The following KNTC1 variants were observed in gnomAD, a reference collection of about 807,000 sequenced individuals.
The protein encoded by KNTC1 is kinetochore associated 1, also known as kinetochore-associated protein 1.
KNTC1 carries 253 observed loss-of-function variants against 314.4 expected under a neutral mutation model. That is an observed-to-expected ratio of 0.80 (90% CI 0.73 to 0.89). KNTC1 has a LOEUF of 0.89. Ranked by LOEUF, KNTC1 falls within the 40% of genes least tolerant of loss-of-function variation. The pLI, the probability that KNTC1 is intolerant of heterozygous loss-of-function variation, is 0.00. For synonymous variants in KNTC1, 901 were observed against 901.4 expected (o/e 1.00, Z 0.01); for missense variants, 2,475 against 2,572.9 (o/e 0.96, Z 0.82).
chr12:122,605,458 C>A, intron 51 of KNTC1, 43 bp downstream of exon 51: 2 of 912,282 alleles, frequency 2.2e-6, no homozygotes, highest in Non-Finnish European at 3.5e-6. Context: ...TGAGTATGCA[C>A]TGATGGCTTC....
chr12:122,590,432 A>G (rs1254167814), intron 40 of KNTC1, among the ~76,000 whole-genome samples, 175 bp from the exon 41 acceptor site: 2 of 152,106 alleles, frequency 1.3e-5, no homozygotes, highest in African/African-American at 2.4e-5. Context: ...CTATAATTCA[A>G]TTTAGTGGTA....
chr12:122,548,860 C>T (rs1375966192), intron 12 of KNTC1, among the ~76,000 whole-genome samples: 2 of 151,694 alleles, frequency 1.3e-5, no homozygotes, highest in South Asian at 2.1e-4. Context: ...CCCAGTTACT[C>T]GAGAGGCTGA....
chr12:122,616,525 T>C (rs1471593826), intron 57 of KNTC1, among the ~76,000 whole-genome samples: 4 of 152,224 alleles, frequency 2.6e-5, no homozygotes, highest in Non-Finnish European at 4.4e-5. Context: ...CCTCCCAAAG[T>C]GCTGGGATTA....
In KNTC1 at chr12:122,622,667, A is replaced by G. The variant is rs1874568636; in HGVS notation, c.6515+60A>G. The G allele has an allele frequency of 2.2e-6, 3 of 1,377,298 alleles. No homozygotes were observed. The East Asian group carries it at 7.6e-5, about 35-fold the overall frequency. 85.3% of individuals were successfully genotyped at this position (1,377,298 alleles called of 1,614,324 possible). A position where few individuals can be genotyped will look rare whatever the true frequency, so the allele number is the denominator to read the frequency against. On this transcript the variant is annotated intron_variant, in intron 62 of 63. Transcript: ENST00000333479. ...AATTTCCTTAAAATCTATCTTTATAAGCTGGGCACGATGGCTCACGACTGT... is the reference window on the plus strand; with the variant it reads ...AATTTCCTTAAAATCTATCTTTATAGGCTGGGCACGATGGCTCACGACTGT...
At position 122,604,632 on chromosome 12, in the gene KNTC1, T is replaced by C; in HGVS notation, c.5170T>C (p.Ser1724Pro). Reference sequence around the variant, plus strand: ...TGAGAGATGGCTACAGAATATCCCATCGCAGGTGTGTCTGAACTATCAGAT... The same window carrying C: ...TGAGAGATGGCTACAGAATATCCCACCGCAGGTGTGTCTGAACTATCAGAT... ...LAERWLQNIP[S>P]QDEKREKAEA... The change falls in exon 49 of 64, where the codon TCG (serine) becomes CCG (proline). Residue 1724 changes from serine (S) to proline (P), a missense_variant. Coordinates refer to ENST00000333479, the MANE Select transcript of KNTC1 (RefSeq NM_014708.6). 1.9e-6 allele frequency: 3 copies of C among 1,595,350 alleles called. No homozygotes were observed. The highest frequency in any genetic ancestry group is 2.6e-6 in the Non-Finnish European group (3 of 1,163,256).
At position 122,615,061 on chromosome 12, in the gene KNTC1, T is replaced by G; in HGVS notation, c.5948T>G (p.Leu1983Trp). 1 of 1,613,158 alleles carries G rather than the reference T, an allele frequency of 6.2e-7. No homozygotes were observed. The highest frequency in any genetic ancestry group is 1.1e-5 in the South Asian group (1 of 90,856). Residue 1983 changes from leucine (L) to tryptophan (W), a missense_variant, in exon 56 of 64, where the codon TTG (leucine) becomes TGG (tryptophan). By Grantham distance (61) the Leu-to-Trp change is moderately conservative. Transcript: ENST00000333479. The part of the protein sequence containing the change: ...IYDLQLWNGL[L>W]QKLLGFNMIP... ...GACCTGCAGCTTTGGAATGGACTCT[T>G]GCAAAAGCTTCTGGGCTTCAATATG...
chr12:122,568,737 G>A lies in KNTC1; in HGVS notation c.1716+365G>A, dbSNP rs1964500046. Among the ~76,000 whole-genome samples the A allele has an allele frequency of 2.6e-5, 4 of 152,098 alleles. No homozygotes were observed. In the South Asian group the frequency reaches 8.3e-4, roughly 32 times the overall value. The stretch of plus-strand genomic sequence containing the variant: ...TGTAGACCCAGCTACTCAGGAGGCT[G>A]AGGCAGGGGAATTTCTTTAACCCAG... On this transcript the variant is annotated intron_variant, in intron 21 of 63. Transcript: ENST00000333479.
At position 122,591,443 on chromosome 12, in the gene KNTC1, G is replaced by A. The variant is rs369735435; in HGVS notation, c.4235G>A (p.Gly1412Asp). Reference sequence around the variant, plus strand: ...GATGCCCAGTGGGGCATTCGTCTTGGTAAACTTGGTGTGAGTATTCTTTGT... The same window carrying A: ...GATGCCCAGTGGGGCATTCGTCTTGATAAACTTGGTGTGAGTATTCTTTGT... ...STDAQWGIRLGKLGISFQPVF... is the reference protein window; with the variant it reads ...STDAQWGIRLDKLGISFQPVF... The change falls in exon 42 of 64, where the codon GGT becomes GAT. Residue 1412 changes from glycine to aspartate, a missense_variant. Coordinates refer to ENST00000333479, the MANE Select transcript of KNTC1 (RefSeq NM_014708.6). 7.8e-6 allele frequency: 12 copies of A among 1,545,626 alleles called. No homozygotes were observed. The African/African-American group carries it at 1.6e-4, about 21-fold the overall frequency.
chr12:122,539,753 A>T lies in KNTC1; in HGVS notation c.444A>T (p.Glu148Asp). 1 of 1,522,782 alleles carries T rather than the reference A, an allele frequency of 6.6e-7. No homozygotes were observed. Among genetic ancestry groups the T allele is most frequent in the African/African-American group, 1.4e-5 (1 of 70,880 alleles). 94.3% of individuals were successfully genotyped at this position (1,522,782 alleles called of 1,614,324 possible). ...NLVIEKDGSN[E>D]GTYYMLLLTY... is the part of the protein sequence containing the mutation. ...TCATTGAGAAGGATGGTTCAAATGA[A>T]GGTAAGTTTTCCTGAATTTTTTTTT... is the stretch of plus-strand genomic sequence containing the variant. The change falls in exon 5 of 64, where the codon GAA becomes GAT. Residue 148 changes from glutamate (E) to aspartate (D), a missense_variant and splice_region_variant. By Grantham distance (45) the Glu-to-Asp change is conservative. Coordinates refer to ENST00000333479, the MANE Select transcript of KNTC1 (RefSeq NM_014708.6).
chr12:122,597,882 C>G lies in KNTC1; in HGVS notation c.4507C>G (p.Pro1503Ala). Residue 1503 changes from proline to alanine, a missense_variant, in exon 44 of 64, where the codon CCT (proline) becomes GCT (alanine). By Grantham distance (27) the Pro-to-Ala change is conservative. Coordinates refer to ENST00000333479, the MANE Select transcript of KNTC1 (RefSeq NM_014708.6). ...CCTGGCCAAAGCCCTTGAGATGGTTCCTTTACTGACGAGCACAAAAGATTT... is the reference window on the plus strand; with the variant it reads ...CCTGGCCAAAGCCCTTGAGATGGTTGCTTTACTGACGAGCACAAAAGATTT... ...KLLAKALEMV[P>A]LLTSTKDLVI... The G allele has an allele frequency of 6.2e-7, 1 of 1,613,988 alleles. No homozygotes were observed. The highest frequency in any genetic ancestry group is 8.5e-7 in the Non-Finnish European group (1 of 1,179,900).
chr12:122,620,630 TG>T (rs370316801), intron 60 of KNTC1, 22 bp downstream of exon 60: 4 of 1,608,068 alleles, frequency 2.5e-6, no homozygotes, highest in African/African-American at 1.3e-5. Context: ...ATGATTCCTC[TG>T]GGCTGCCAAG....
intron 42 of KNTC1, chr12:122,593,216 A>G (rs1870541712): frequency 5.6e-6 from 1 of 178,612 alleles, no homozygotes; most frequent in Non-Finnish European, 1.1e-5. Flanking sequence ...CCAATTCCGG[A>G]CACACTAGCA....
intron 57 of KNTC1, chr12:122,617,258 C>CT (rs1371464545): frequency 7.1e-6 from 2 of 283,626 alleles, no homozygotes; most frequent in Non-Finnish European, 1.4e-5. Context: ...TACAGTAACT[C>CT]TATGTTTAGC....
At chr12:122,613,274 T>A (rs1248251017) in intron 54 of KNTC1, 44 bp downstream of exon 54, 2 of 1,304,202 alleles carry the variant, frequency 1.5e-6, no homozygotes, top group Admixed American at 1.8e-5. Flanking sequence ...AGGAAACAGA[T>A]CATTTTTTGG....
At position 122,602,970 on chromosome 12, in the gene KNTC1, A is replaced by G. The variant is rs546967899; in HGVS notation, c.4885-57A>G. ...TATAGAAGATTTTTCTGCTGCTTTC[A>G]TGTAAAACCTTATATGTGAATATGT... On this transcript the variant is annotated intron_variant, in intron 47 of 63. Coordinates refer to ENST00000333479, the MANE Select transcript of KNTC1 (RefSeq NM_014708.6). The G allele has an allele frequency of 1.1e-4, 167 of 1,563,050 alleles. 2 individuals are homozygous for G. In the South Asian group the frequency reaches 1.7e-3, roughly 16 times the overall value.
intron 11 of KNTC1, 25 bp from the exon 12 acceptor site, chr12:122,547,890 A>G (rs1962908098): frequency 2.9e-6 from 4 of 1,370,506 alleles, no homozygotes; most frequent in Non-Finnish European, 3.0e-6. Flanking sequence ...TACTTGAATT[A>G]TTTAAAGGTT....
intron 53 of KNTC1, among the ~76,000 whole-genome samples, chr12:122,612,108 C>T (rs1304419306): frequency 2.0e-5 from 3 of 151,802 alleles, no homozygotes; most frequent in African/African-American, 7.3e-5. Flanking sequence ...CTCTGTCACC[C>T]AGGTCGGAGA....
At position 122,622,565 on chromosome 12, in the gene KNTC1, A is replaced by G. The variant is rs776645941; in HGVS notation, c.6473A>G (p.Asn2158Ser). The G allele has an allele frequency of 5.7e-6, 9 of 1,567,088 alleles. No individual in the cohort carries two copies. The highest frequency in any genetic ancestry group is 2.3e-5 in the East Asian group (1 of 43,088). Residue 2158 changes from asparagine to serine, a missense_variant, in exon 62 of 64, where the codon AAC becomes AGC. Transcript: ENST00000333479. ...TTGAAGATGCATGCGATGAATACCA[A>G]CAATATCACTGAGCTAGTGAACTAT... is the stretch of plus-strand genomic sequence containing the variant. The part of the protein sequence containing the change: ...QMLKMHAMNT[N>S]NITELVNYLA...
Position 122,572,948 on chromosome 12 carries a change from G to T in KNTC1, c.2031G>T (p.Gln677His). The change falls in exon 25 of 64, where the codon CAG (glutamine) becomes CAT (histidine). Residue 677 changes from glutamine (Q) to histidine (H), a missense_variant. Coordinates refer to ENST00000333479, the MANE Select transcript of KNTC1 (RefSeq NM_014708.6). ...SWHWISLKDY[Q>H]NTEEVCQLRT... ...CACTTTTGTTTTAGAAAGATTATCA[G>T]AACACAGAGGAAGTATGTCAGCTAA... 6.3e-7 allele frequency: 1 copy of T among 1,582,834 alleles called. No individual in the cohort carries two copies. Among genetic ancestry groups the T allele is most frequent in the South Asian group, 1.1e-5 (1 of 87,744 alleles).
Sources: allele counts gnomAD v4.1 joint callset (sites outside exome capture counted in the v4.1 genomes callset), GRCh38; gene constraint gnomAD v4.1.1; transcripts MANE v1.5; gene names NCBI Gene and HGNC (gene_info 2026-07-23, HGNC 2026-07-21).